Variants in TRDN observed in about 807,000 individuals in gnomAD.
The protein encoded by TRDN is triadin in skeletal muscle.
Under a neutral mutation model 149.7 loss-of-function variants are expected in TRDN, and 161 were observed. That is an observed-to-expected ratio of 1.08 (90% CI 0.95 to 1.23). TRDN has a LOEUF of 1.23. Among genes scored for constraint, TRDN ranks in the 50% most tolerant of loss-of-function variants. The pLI is 0.00. For synonymous variants in TRDN, 294 were observed against 250.5 expected (o/e 1.17, Z -1.64); for missense variants, 896 against 823.5 (o/e 1.09, Z -1.08).
At chr6:123,556,180 C>A (rs1781643971) in intron 2 of TRDN, among the ~76,000 whole-genome samples, 1 of 151,966 alleles carries the variant, frequency 6.6e-6, no homozygotes, top group Non-Finnish European at 1.5e-5. Flanking sequence ...ATTTAAATGC[C>A]TTACTTTACA....
intron 14 of TRDN, among the ~76,000 whole-genome samples, chr6:123,385,153 C>A (rs930307543): frequency 6.6e-6 from 1 of 152,044 alleles, no homozygotes; most frequent in African/African-American, 2.4e-5. Context: ...ACCAGCTGGG[C>A]GCGGTGGCTC....
chr6:123,436,684 TC>T (rs1774578408), intron 12 of TRDN, among the ~76,000 whole-genome samples: 1 of 152,078 alleles, frequency 6.6e-6, no homozygotes, highest in African/African-American at 2.4e-5. Flanking sequence ...CAGCCTGCCC[TC>T]CCCAGACGGT....
intron 9 of TRDN, among the ~76,000 whole-genome samples, chr6:123,481,751 A>G (rs4460222): frequency 0.19 from 28,733 of 152,076 alleles, 3,629 homozygotes; most frequent in East Asian, 0.64. Context: ...AAAATCCTTA[A>G]AGAGTAGAAG....
At chr6:123,445,689 CCATCTCACACCA>C (rs1775294288) in intron 10 of TRDN, among the ~76,000 whole-genome samples, 1 of 90,678 alleles carries the variant, frequency 1.1e-5, no homozygotes, top group African/African-American at 5.2e-5. Context: ...CAATGAGATA[CCATCTCACACCA>C]GTTAGAATGG....
intron 24 of TRDN, among the ~76,000 whole-genome samples, chr6:123,288,915 G>A (rs1274203388): frequency 6.6e-6 from 1 of 151,660 alleles, no homozygotes; most frequent in Admixed American, 6.6e-5. Flanking sequence ...AAATCAGGAT[G>A]TCAGAGAGAT....
At chr6:123,371,903 C>T (rs575966832) in intron 19 of TRDN, among the ~76,000 whole-genome samples, 11 of 152,054 alleles carry the variant, frequency 7.2e-5, no homozygotes, top group African/African-American at 2.7e-4. Context: ...ATTCTGGCAG[C>T]ACCAGCTGTG....
rs78389215 is a variant in TRDN, at chr6:123,322,372, T to C, written c.1472-5877A>G. Among the ~76,000 whole-genome samples, 466 of 152,258 alleles carry C rather than the reference T, an allele frequency of 3.1e-3. 16 individuals carry two copies. The East Asian group carries it at 0.076, about 25-fold the overall frequency. On this transcript the variant is annotated intron_variant, in intron 23 of 40. Coordinates refer to ENST00000334268, the MANE Select transcript of TRDN (RefSeq NM_006073.4). ...TCCTTTTTAACCAAATAATCTAATA[T>C]GTGATCTCTGAAACTCTCCAAATTT... is the stretch of plus-strand genomic sequence containing the variant.
intron 8 of TRDN, among the ~76,000 whole-genome samples, chr6:123,501,089 T>C (rs1778679873): frequency 6.6e-6 from 1 of 152,038 alleles, no homozygotes; most frequent in Admixed American, 6.6e-5. Context: ...TGTGTGTGTG[T>C]GTTTATGGTA....
chr6:123,472,791 C>T (rs1379037274), intron 9 of TRDN, among the ~76,000 whole-genome samples: 1 of 152,084 alleles, frequency 6.6e-6, no homozygotes, highest in South Asian at 2.1e-4. Context: ...GACCCCTGAC[C>T]CCCGAGCAGC....
intron 10 of TRDN, among the ~76,000 whole-genome samples, chr6:123,456,521 T>G (rs1023842370): frequency 2.0e-5 from 3 of 152,030 alleles, no homozygotes; most frequent in African/African-American, 7.2e-5. Flanking sequence ...CAGGCTAGAG[T>G]GCAGTCGTGG....
At chr6:123,305,897 C>T (rs1411806450) in intron 24 of TRDN, among the ~76,000 whole-genome samples, 1 of 152,236 alleles carries the variant, frequency 6.6e-6, no homozygotes, top group East Asian at 1.9e-4. Context: ...GTATTCTCTG[C>T]TTTAATTCAA....
chr6:123,277,870 G>GTTGTATGTT (rs1347684155), intron 26 of TRDN, among the ~76,000 whole-genome samples: 1 of 152,144 alleles, frequency 6.6e-6, no homozygotes, highest in Non-Finnish European at 1.5e-5. Flanking sequence ...ATACAATTAT[G>GTTGTATGTT]AAACATTAAA....
intron 10 of TRDN, among the ~76,000 whole-genome samples, chr6:123,461,440 A>C (rs1776443536): frequency 6.6e-6 from 1 of 152,212 alleles, no homozygotes; most frequent in South Asian, 2.1e-4. Context: ...CTGTTTAATG[A>C]AATATTAAAA....
chr6:123,536,733 A>AT (rs66981724), intron 4 of TRDN, among the ~76,000 whole-genome samples: 7 of 150,876 alleles, frequency 4.6e-5, no homozygotes, highest in South Asian at 2.1e-4. Context: ...AAATAAATAA[A>AT]AATGAGCTGG....
chr6:123,286,998 T>C (rs1300785714), intron 24 of TRDN, among the ~76,000 whole-genome samples: 71 of 152,130 alleles, frequency 4.7e-4, no homozygotes, highest in Admixed American at 4.6e-3. Context: ...GTACAAATTA[T>C]TGCTCTGAAG....
chr6:123,333,243 T>A (rs1017573984), intron 22 of TRDN, among the ~76,000 whole-genome samples: 1 of 151,936 alleles, frequency 6.6e-6, no homozygotes, highest in African/African-American at 2.4e-5. Context: ...GAGAGTGCAA[T>A]GCTTCGAGTC....
intron 26 of TRDN, among the ~76,000 whole-genome samples, chr6:123,277,331 T>C (rs1034768198): frequency 4.6e-5 from 7 of 152,092 alleles, no homozygotes; most frequent in Non-Finnish European, 1.0e-4. Context: ...GGGGTGAACA[T>C]ATTTTGCACC....
intron 1 of TRDN, among the ~76,000 whole-genome samples, chr6:123,630,377 A>G (rs1191209297): frequency 6.6e-6 from 1 of 152,054 alleles, no homozygotes; most frequent in African/African-American, 2.4e-5. Context: ...ACAAAGGTCA[A>G]TGTAGATGAT....
At chr6:123,529,590 T>G (rs1780127897) in intron 5 of TRDN, among the ~76,000 whole-genome samples, 1 of 152,072 alleles carries the variant, frequency 6.6e-6, no homozygotes, top group Non-Finnish European at 1.5e-5. Context: ...AATTGATACT[T>G]TTATTATTTG....
Sources: allele counts gnomAD v4.1 joint callset (sites outside exome capture counted in the v4.1 genomes callset), GRCh38; gene constraint gnomAD v4.1.1; transcripts MANE v1.5; gene names NCBI Gene and HGNC (gene_info 2026-07-23, HGNC 2026-07-21).